RABEPK: variants seen among roughly 807,000 people sequenced by gnomAD.
RABEPK encodes Rab9 effector protein with kelch motifs.
Under a neutral mutation model 34.1 loss-of-function variants are expected in RABEPK, and 27 were observed. That is an observed-to-expected ratio of 0.79 (90% CI 0.58 to 1.09). RABEPK has a LOEUF of 1.09. Among genes scored for constraint, RABEPK ranks in the 50% least tolerant of loss-of-function variants. The pLI, the probability that RABEPK is intolerant of heterozygous loss-of-function variation, is 0.00. For synonymous variants in RABEPK, 172 were observed against 169.2 expected (o/e 1.02, Z -0.13); for missense variants, 449 against 462.6 (o/e 0.97, Z 0.27).
intron 1 of RABEPK, among the ~76,000 whole-genome samples, chr9:125,201,832 G>A (rs1352768040): frequency 4.6e-5 from 7 of 151,564 alleles, no homozygotes; most frequent in African/African-American, 1.2e-4. Context: ...GGCCAGGATG[G>A]TATCGATCTG....
In RABEPK at chr9:125,200,817, C is replaced by T. The variant is rs1251463085; in HGVS notation, c.-96C>T. 1 of 471,250 alleles carries T rather than the reference C, an allele frequency of 2.1e-6. No individual in the cohort carries two copies. The highest frequency in any genetic ancestry group is 4.4e-6 in the Non-Finnish European group (1 of 227,072). The allele number at this position is 471,250 out of a possible 1,614,324, so 29.2% of individuals were successfully genotyped here. Reference sequence around the variant, plus strand: ...GGGATGAGATTTGCTGGGCTGGTAGCGGCGGCTGCTGCGGGAGGTCCCGCC... The same window carrying T: ...GGGATGAGATTTGCTGGGCTGGTAGTGGCGGCTGCTGCGGGAGGTCCCGCC... On this transcript the variant is annotated 5_prime_UTR_variant, in exon 1 of 8. Coordinates refer to ENST00000373538, the MANE Select transcript of RABEPK (RefSeq NM_005833.4).
At chr9:125,213,332 G>T in intron 3 of RABEPK, 38 bp from the exon 4 acceptor site, 1 of 1,593,782 alleles carries the variant, frequency 6.3e-7, no homozygotes. Flanking sequence ...ATAATAATTG[G>T]CAGCCCCAAT....
At chr9:125,224,050 C>G (rs985502903) in intron 5 of RABEPK, among the ~76,000 whole-genome samples, 11 of 151,872 alleles carry the variant, frequency 7.2e-5, no homozygotes, top group Non-Finnish European at 1.3e-4. Flanking sequence ...AAAAAATTAT[C>G]CAGGCATGGC....
At chr9:125,231,660 G>C (rs2131438893) in intron 6 of RABEPK, among the ~76,000 whole-genome samples, 1 of 151,796 alleles carries the variant, frequency 6.6e-6, no homozygotes, top group East Asian at 2.0e-4. Flanking sequence ...AAATTAGCCA[G>C]ACCCGGTGGC....
intron 1 of RABEPK, among the ~76,000 whole-genome samples, chr9:125,201,614 AT>A (rs971265036): frequency 1.3e-5 from 2 of 150,358 alleles, no homozygotes; most frequent in Admixed American, 6.6e-5. Flanking sequence ...CTCCATTTCT[AT>A]TTTTTTTTCT....
At chr9:125,223,401 A>G (rs1445409346) in intron 5 of RABEPK, among the ~76,000 whole-genome samples, 2 of 152,140 alleles carry the variant, frequency 1.3e-5, no homozygotes, top group Non-Finnish European at 2.9e-5. Context: ...GGTAGCAGTG[A>G]GCTAAGATCA....
rs146176882 is a variant in RABEPK, at chr9:125,233,963, G to A, written c.1102G>A (p.Val368Met). 108 of 1,610,160 alleles carry A rather than the reference G, an allele frequency of 6.7e-5. No individual in the cohort carries two copies. In the Middle Eastern group the frequency reaches 1.3e-3, roughly 20 times the overall value. Residue 368 changes from valine (V) to methionine (M), a missense_variant, in exon 8 of 8, where the codon GTG (valine) becomes ATG (methionine). Val to Met is a conservative substitution (Grantham distance 21). Coordinates refer to ENST00000373538, the MANE Select transcript of RABEPK (RefSeq NM_005833.4). ...AGGGGAAATCTATGACGATTGTATT[G>A]TGACTGTAGTGGACTAATAAAACCC... ...TEGEIYDDCI[V>M]TVVD
intron 4 of RABEPK, among the ~76,000 whole-genome samples, chr9:125,214,115 C>CT (rs1263229533): frequency 2.0e-5 from 3 of 150,410 alleles, no homozygotes; most frequent in African/African-American, 7.3e-5. Flanking sequence ...GAGTGAGACT[C>CT]TGTCTCAAAA....
chr9:125,220,248 C>G, intron 4 of RABEPK: 1 of 1,262,774 alleles, frequency 7.9e-7, no homozygotes, highest in Non-Finnish European at 1.0e-6. Context: ...GTGATCCGCC[C>G]GCCTTGGCCT....
At chr9:125,232,532 A>T in intron 6 of RABEPK, 64 bp from the exon 7 acceptor site, 2 of 1,520,610 alleles carry the variant, frequency 1.3e-6, no homozygotes, top group Non-Finnish European at 1.8e-6. Flanking sequence ...ACTACAGTAG[A>T]TAGATAAGTT....
At chr9:125,202,790 A>G (rs1429232003) in intron 1 of RABEPK, among the ~76,000 whole-genome samples, 1 of 152,150 alleles carries the variant, frequency 6.6e-6, no homozygotes, top group Non-Finnish European at 1.5e-5. Context: ...AGATCTTGCC[A>G]TTGCACTCCA....
intron 1 of RABEPK, among the ~76,000 whole-genome samples, chr9:125,202,391 G>C (rs893776229): frequency 6.6e-6 from 1 of 151,606 alleles, no homozygotes; most frequent in Non-Finnish European, 1.5e-5. Flanking sequence ...GGGCGTGGGT[G>C]GGCACCTGTA....
At chr9:125,212,193 A>G (rs904758788) in intron 3 of RABEPK, among the ~76,000 whole-genome samples, 1 of 152,168 alleles carries the variant, frequency 6.6e-6, no homozygotes, top group African/African-American at 2.4e-5. Flanking sequence ...TAACCAAGTA[A>G]AATAATTGTT....
intron 3 of RABEPK, 108 bp downstream of exon 3, chr9:125,207,829 A>G (rs1273902023): frequency 2.2e-6 from 3 of 1,391,466 alleles, no homozygotes; most frequent in African/African-American, 1.4e-5. Context: ...TTTTCCTATA[A>G]GAAAACATGG....
intron 3 of RABEPK, among the ~76,000 whole-genome samples, chr9:125,208,433 C>A (rs930655437): frequency 6.6e-6 from 1 of 151,970 alleles, no homozygotes. Context: ...AGTGCAATGG[C>A]GCGATCTTCA....
chr9:125,233,624 G>A (rs1030548856), intron 7 of RABEPK, 64 bp from the exon 8 acceptor site: 13 of 1,533,334 alleles, frequency 8.5e-6, no homozygotes, highest in African/African-American at 1.4e-5. Flanking sequence ...TTACAGGCGT[G>A]AGCCACCGTG....
At chr9:125,216,981 A>AC (rs1351184171) in intron 4 of RABEPK, among the ~76,000 whole-genome samples, 2 of 151,832 alleles carry the variant, frequency 1.3e-5, no homozygotes, top group East Asian at 3.9e-4. Context: ...AAAAAAAAAA[A>AC]AGAAGAAAGT....
At chr9:125,213,974 T>A (rs1199121221) in intron 4 of RABEPK, among the ~76,000 whole-genome samples, 1 of 151,904 alleles carries the variant, frequency 6.6e-6, no homozygotes, top group Admixed American at 6.6e-5. Flanking sequence ...ATAGAAAAAT[T>A]AGCTGGGTGT....
Position 125,213,509 on chromosome 9 carries a change from A to G in RABEPK, c.351A>G (p.Gln117=), listed in dbSNP as rs1291994446. 1.4e-5 allele frequency: 22 copies of G among 1,613,420 alleles called. No individual in the cohort carries two copies. The highest frequency in any genetic ancestry group is 1.8e-5 in the Non-Finnish European group (21 of 1,179,836). ...AATCAGGAAATCGAAATTGTCTACA[A>G]GTCCTGAATCCTGGTAAGTAGCCAA... is the stretch of plus-strand genomic sequence containing the variant. ...ANQSGNRNCL[Q]VLNPETRTWT... is the part of the protein sequence containing the mutation. The change falls in exon 4 of 8, where the codon CAA becomes CAG. Residue 117 remains glutamine, a synonymous_variant. Coordinates refer to ENST00000373538, the MANE Select transcript of RABEPK (RefSeq NM_005833.4).
Sources: allele counts gnomAD v4.1 joint callset (sites outside exome capture counted in the v4.1 genomes callset), GRCh38; gene constraint gnomAD v4.1.1; transcripts MANE v1.5; gene names NCBI Gene and HGNC (gene_info 2026-07-23, HGNC 2026-07-21).